The following ATP4A variants were observed in gnomAD, a reference collection of about 807,000 sequenced individuals.
ATP4A encodes the protein potassium-transporting ATPase alpha chain 1.
ATP4A carries 73 observed loss-of-function variants against 112.1 expected under a neutral mutation model. The observed-to-expected ratio is 0.65, with a 90% CI of 0.54 to 0.79. The LOEUF is 0.79. ATP4A is among the 30% of genes least tolerant of loss of function. The pLI, the probability that ATP4A is intolerant of heterozygous loss-of-function variation, is 0.00. For synonymous variants in ATP4A, 588 were observed against 588.9 expected, an observed-to-expected ratio of 1.00 and a Z score of 0.02; for missense variants, 1,081 against 1,425.9, an observed-to-expected ratio of 0.76 and a Z score of 3.90.
chr19:35,558,885 C>T lies in ATP4A; in HGVS notation c.1255+108G>A, dbSNP rs1175781766. ...GCGAGTCTCCTTTGAGACCTGGAGCCGAGCCGCCCCGCCTTCGTACAAAGC... is the reference window on the plus strand; with the variant it reads ...GCGAGTCTCCTTTGAGACCTGGAGCTGAGCCGCCCCGCCTTCGTACAAAGC... On this transcript the variant is annotated intron_variant, in intron 8 of 21. Coordinates refer to ENST00000262623, the MANE Select transcript of ATP4A (RefSeq NM_000704.3). This position sits in a 1 kb window ranked among gnomAD's most constrained non-coding sequence, Gnocchi z 5.1. 33 of 1,421,894 alleles carry T rather than the reference C, an allele frequency of 2.3e-5. No homozygotes were observed. Among genetic ancestry groups the T allele is most frequent in the Non-Finnish European group, 3.1e-5 (32 of 1,033,826 alleles). The allele number at this position is 1,421,894 out of a possible 1,614,324, so 88.1% of individuals were successfully genotyped here. A position where few individuals can be genotyped will look rare whatever the true frequency, so the allele number is the denominator to read the frequency against.
Position 35,555,704 on chromosome 19 carries a change from G to A in ATP4A, c.1978C>T (p.Arg660Cys), listed in dbSNP as rs757758386. 1.6e-5 allele frequency: 25 copies of A among 1,609,234 alleles called. No homozygotes were observed. Among genetic ancestry groups the A allele is most frequent in the Middle Eastern group, 3.3e-4 (2 of 6,072 alleles). Reference protein sequence around the residue: ...ETVEDIAARLRVPVDQVNRKD... With the variant: ...ETVEDIAARLCVPVDQVNRKD... ...CGATTAACCTGGTCTACGGGCACAC[G>A]GAGGCGGGCAGCGATGTCCTCCACT... Residue 660 changes from arginine to cysteine, a missense_variant, in exon 13 of 22, where the codon CGT (arginine) becomes TGT (cysteine). Arg to Cys is a radical substitution (Grantham distance 180). Around this residue, in one of 3 missense-constraint regions of ATP4A, gnomAD observed 850 missense variants for 1,068.2 expected, o/e 0.80. Coordinates refer to ENST00000262623, the MANE Select transcript of ATP4A (RefSeq NM_000704.3). The surrounding 1 kb of genome is among the most constrained non-coding windows in gnomAD (Gnocchi z 6.6).
rs778187193 is a variant in ATP4A at position 35,553,096 on chromosome 19, G to A, written c.2692C>T (p.Arg898Trp). The change falls in exon 18 of 22, where the codon CGG becomes TGG. Residue 898 changes from arginine (R) to tryptophan (W), a missense_variant. Coordinates refer to ENST00000262623, the MANE Select transcript of ATP4A (RefSeq NM_000704.3). ...GWFPLLCVGL[R>W]AQWEDHHLQD... Reference sequence around the variant, plus strand: ...AGGTGGTGGTCCTCCCACTGCGCCCGCAGCCCCACGCACAGCAGTGGGAAC... The same window carrying A: ...AGGTGGTGGTCCTCCCACTGCGCCCACAGCCCCACGCACAGCAGTGGGAAC... 32 of 1,611,186 alleles carry A rather than the reference G, an allele frequency of 2.0e-5. No individual in the cohort carries two copies. Among genetic ancestry groups the A allele is most frequent in the Non-Finnish European group, 2.3e-5 (27 of 1,177,806 alleles).
Position 35,560,123 on chromosome 19 carries a change from G to A in ATP4A, c.788-50C>T. On this transcript the variant is annotated intron_variant, in intron 6 of 21. Coordinates refer to ENST00000262623, the MANE Select transcript of ATP4A (RefSeq NM_000704.3). This position sits in a 1 kb window ranked among gnomAD's most constrained non-coding sequence, Gnocchi z 5.1. ...CAGGGATAGGGGGCGGCAGTGGGGT[G>A]TGCACTGCCGTGTGAGCTGAAGGAC... 6.3e-7 allele frequency: 1 copy of A among 1,599,132 alleles called. No individual in the cohort carries two copies. The highest frequency in any genetic ancestry group is 1.7e-4 in the Middle Eastern group (1 of 6,016).
chr19:35,553,645 C>T, intron 17 of ATP4A, 61 bp downstream of exon 17: 2 of 1,585,768 alleles, frequency 1.3e-6, no homozygotes, highest in Non-Finnish European at 1.7e-6. Context: ...GGGCCTGGGG[C>T]AGGCGAGCAG....
In ATP4A at chr19:35,553,769, G is replaced by A. The variant is rs375916089; in HGVS notation, c.2542C>T (p.Arg848Cys). The A allele has an allele frequency of 3.4e-5, 55 of 1,610,328 alleles. No homozygotes were observed. The highest frequency in any genetic ancestry group is 3.9e-5 in the Non-Finnish European group (46 of 1,178,532). Residue 848 changes from arginine to cysteine, a missense_variant, in exon 17 of 22, where the codon CGC becomes TGC. Arg to Cys is a radical substitution (Grantham distance 180, BLOSUM62 -3). This residue lies in a region of ATP4A where 219 missense variants were observed against 320.9 expected (regional missense o/e 0.68). Coordinates refer to ENST00000262623, the MANE Select transcript of ATP4A (RefSeq NM_000704.3). The stretch of plus-strand genomic sequence containing the variant: ...ACCAATCTGTCACGCTTTGGGTTGC[G>A]TGGACGCAGGTGCATGATGTCACTC... ...AESDIMHLRP[R>C]NPKRDRLVNE...
Position 35,558,844 on chromosome 19 carries a change from C to T in ATP4A, c.1255+149G>A. On this transcript the variant is annotated intron_variant, in intron 8 of 21. Transcript: ENST00000262623. The surrounding 1 kb of genome is among the most constrained non-coding windows in gnomAD (Gnocchi z 5.1). ...GGGACCCAGCCCCCGGATGACCCTT[C>T]CCTCTAGACCCGGTAGCGAGTCTCC... 8.0e-7 allele frequency: 1 copy of T among 1,255,330 alleles called. No homozygotes were observed. 77.8% of individuals were successfully genotyped at this position (1,255,330 alleles called of 1,614,324 possible).
Position 35,558,273 on chromosome 19 carries a change from A to C in ATP4A, c.1500+89T>G. On this transcript the variant is annotated intron_variant, in intron 10 of 21. Coordinates refer to ENST00000262623, the MANE Select transcript of ATP4A (RefSeq NM_000704.3). The surrounding 1 kb of genome is among the most constrained non-coding windows in gnomAD (Gnocchi z 5.1). ...CTGCGGAGAGAAGGGGCAAGGAGCG[A>C]AGCCCCTCGTGGCCCGCTGATGTGG... 1.4e-6 allele frequency: 2 copies of C among 1,468,446 alleles called. No individual in the cohort carries two copies. Among genetic ancestry groups the C allele is most frequent in the Non-Finnish European group, 9.1e-7 (1 of 1,095,212 alleles). The allele number at this position is 1,468,446 out of a possible 1,614,324, so 91.0% of individuals were successfully genotyped here. A position where few individuals can be genotyped will look rare whatever the true frequency, so the allele number is the denominator to read the frequency against.
At chr19:35,562,759 C>A in intron 3 of ATP4A, 121 bp from the exon 4 acceptor site, 1 of 999,898 alleles carries the variant, frequency 1.0e-6, no homozygotes, top group Non-Finnish European at 1.4e-6. Flanking sequence ...CTTCTCATCT[C>A]TTTGTCTCTT....
At position 35,560,346 on chromosome 19, in the gene ATP4A, G is replaced by GC. The variant is rs750149947; in HGVS notation, c.787+16dup. On this transcript the variant is annotated intron_variant, in intron 6 of 21. Transcript: ENST00000262623. This position sits in a 1 kb window ranked among gnomAD's most constrained non-coding sequence, Gnocchi z 5.1. ...GAGGCAGCAGTTACTGGGCAGGCAG[G>GC]CGGGGGCTTCACAGACCCTCAAGGC... The GC allele has an allele frequency of 5.0e-5, 80 of 1,611,706 alleles. No individual in the cohort carries two copies. The South Asian group carries it at 8.8e-4, about 18-fold the overall frequency.
At position 35,559,829 on chromosome 19, in the gene ATP4A, A is replaced by G; in HGVS notation, c.1032T>C (p.Pro344=). 4 of 1,614,160 alleles carry G rather than the reference A, an allele frequency of 2.5e-6. No homozygotes were observed. Among genetic ancestry groups the G allele is most frequent in the Non-Finnish European group, 3.4e-6 (4 of 1,180,000 alleles). Residue 344 remains proline (P), a synonymous_variant, in exon 7 of 22, where the codon CCT becomes CCC. Coordinates refer to ENST00000262623, the MANE Select transcript of ATP4A (RefSeq NM_000704.3). This position sits in a 1 kb window ranked among gnomAD's most constrained non-coding sequence, Gnocchi z 4.1. ...CTGTGACAGTGGCCAGCAGCCCCTC[A>G]GGCACATAGGCCACCACGATGGCCA... ...FFMAIVVAYV[P]EGLLATVTVC... is the part of the protein sequence containing the mutation.
Position 35,560,554 on chromosome 19 carries a change from C to T in ATP4A, c.596G>A (p.Gly199Asp). 6.2e-7 allele frequency: 1 copy of T among 1,613,554 alleles called. No homozygotes were observed. The change falls in exon 6 of 22, where the codon GGC becomes GAC. Residue 199 changes from glycine to aspartate, a missense_variant. Physicochemically the swap from Gly to Asp is moderately conservative, Grantham distance 94. This residue lies in a region of ATP4A where 850 missense variants were observed against 1,068.2 expected (regional missense o/e 0.80). Transcript: ENST00000262623. This position sits in a 1 kb window ranked among gnomAD's most constrained non-coding sequence, Gnocchi z 5.1. Reference protein sequence around the residue: ...FQINADQLVVGDLVEMKGGDR... With the variant: ...FQINADQLVVDDLVEMKGGDR... ...CCCACCTTTCATCTCCACCAGGTCG[C>T]CCACCACCAGTTGGTCAGCGTTGAT...
At chr19:35,561,570 T>G in intron 4 of ATP4A, among the ~76,000 whole-genome samples, 1 of 152,062 alleles carries the variant, frequency 6.6e-6, no homozygotes, top group East Asian at 1.9e-4. Flanking sequence ...CCCATGGCCA[T>G]GACTTTTCGA....
rs1330858418 is a variant in ATP4A at position 35,560,273 on chromosome 19, G to A, written c.787+90C>T. 6.4e-6 allele frequency: 10 copies of A among 1,573,812 alleles called. No individual in the cohort carries two copies. Among genetic ancestry groups the A allele is most frequent in the South Asian group, 1.2e-5 (1 of 85,152 alleles). ...TGGCAGTCATGCAGGAGAGAGACAG[G>A]GAGGCTGAAGCCCCCTGTCCTAGAA... is the stretch of plus-strand genomic sequence containing the variant. On this transcript the variant is annotated intron_variant, in intron 6 of 21. Transcript: ENST00000262623. This position sits in a 1 kb window ranked among gnomAD's most constrained non-coding sequence, Gnocchi z 5.1.
At position 35,560,468 on chromosome 19, in the gene ATP4A, A is replaced by T. The variant is rs1416543985; in HGVS notation, c.682T>A (p.Ser228Thr). ...TGTGGCTCAGACTCCCCTGTCAGCG[A>T]GGAGTTGTCCACCTTGCAGCCCTGG... is the stretch of plus-strand genomic sequence containing the variant. ...AAQGCKVDNS[S>T]LTGESEPQTR... The change falls in exon 6 of 22, where the codon TCG becomes ACG. Residue 228 changes from serine to threonine, a missense_variant. By Grantham distance (58) the Ser-to-Thr change is moderately conservative. Around this residue, in one of 3 missense-constraint regions of ATP4A, gnomAD observed 850 missense variants for 1,068.2 expected, o/e 0.80. Transcript: ENST00000262623. This position sits in a 1 kb window ranked among gnomAD's most constrained non-coding sequence, Gnocchi z 5.1. 29 of 1,613,534 alleles carry T rather than the reference A, an allele frequency of 1.8e-5. No individual in the cohort carries two copies. The highest frequency in any genetic ancestry group is 2.5e-5 in the Non-Finnish European group (29 of 1,180,002).
At position 35,558,371 on chromosome 19, in the gene ATP4A, G is replaced by C. The variant is rs367948882; in HGVS notation, c.1491C>G (p.Asn497Lys). The change falls in exon 10 of 22, where the codon AAC becomes AAG. Residue 497 changes from asparagine (N) to lysine (K), a missense_variant. By Grantham distance (94) the Asn-to-Lys change is moderately conservative. This residue lies in a region of ATP4A where 850 missense variants were observed against 1,068.2 expected (regional missense o/e 0.80). Coordinates refer to ENST00000262623, the MANE Select transcript of ATP4A (RefSeq NM_000704.3). This position sits in a 1 kb window ranked among gnomAD's most constrained non-coding sequence, Gnocchi z 5.1. ...KVCEIPFNST[N>K]KFQLSIHTLE... The stretch of plus-strand genomic sequence containing the variant: ...GGGGCCGGCTGCGCACCTGGAACTT[G>C]TTGGTGGAGTTGAAGGGTATCTCGC... The C allele has an allele frequency of 1.9e-6, 3 of 1,610,724 alleles. No homozygotes were observed. The highest frequency in any genetic ancestry group is 2.7e-5 in the African/African-American group (2 of 74,922).
rs778493830 is a variant in ATP4A, at chr19:35,557,866, G to A, written c.1501-19C>T. The A allele has an allele frequency of 1.5e-4, 220 of 1,452,594 alleles. 1 individual carries two copies. Among genetic ancestry groups the A allele is most frequent in the Middle Eastern group, 1.3e-3 (5 of 3,992 alleles). The allele number at this position is 1,452,594 out of a possible 1,614,324, so 90.0% of individuals were successfully genotyped here. A position where few individuals can be genotyped will look rare whatever the true frequency, so the allele number is the denominator to read the frequency against. On this transcript the variant is annotated intron_variant, in intron 10 of 21. Coordinates refer to ENST00000262623, the MANE Select transcript of ATP4A (RefSeq NM_000704.3). The surrounding 1 kb of genome is among the most constrained non-coding windows in gnomAD (Gnocchi z 4.4). ...TGGACAGCTGTGGGCGGGGGGGAGA[G>A]GCGAGGCTGTGGACGGGGGAACGGG...
In ATP4A at chr19:35,555,134, A is replaced by C. The variant is rs1448088361; in HGVS notation, c.2326+32T>G. The C allele has an allele frequency of 3.7e-6, 6 of 1,613,782 alleles. No homozygotes were observed. The highest frequency in any genetic ancestry group is 5.1e-6 in the Non-Finnish European group (6 of 1,179,944). ...ACAGCCCTCTCCCTCCTGTGCCCAC[A>C]CTGCCTGCCCTCCCCCTGGCGTGGC... On this transcript the variant is annotated intron_variant, in intron 15 of 21. Transcript: ENST00000262623. This position sits in a 1 kb window ranked among gnomAD's most constrained non-coding sequence, Gnocchi z 6.6.
In ATP4A at chr19:35,550,229, C is replaced by A. The variant is rs1009188970; in HGVS notation, c.*386G>T. The A allele has an allele frequency of 3.7e-6, 1 of 271,310 alleles. No individual in the cohort carries two copies. The highest frequency in any genetic ancestry group is 4.7e-5 in the South Asian group (1 of 21,468). 16.8% of individuals were successfully genotyped at this position (271,310 alleles called of 1,614,324 possible). A position where few individuals can be genotyped will look rare whatever the true frequency, so the allele number is the denominator to read the frequency against. ...CAGCATGAGCTGGTTTTATTACCAT[C>A]GCCCAGGACACAAGCGTGTCTTTAA... On this transcript the variant is annotated 3_prime_UTR_variant, in exon 22 of 22. Transcript: ENST00000262623. This position sits in a 1 kb window ranked among gnomAD's most constrained non-coding sequence, Gnocchi z 4.1.
intron 17 of ATP4A, among the ~76,000 whole-genome samples, 183 bp from the exon 18 acceptor site, chr19:35,553,365 CAG>C (rs2071612551): frequency 6.6e-6 from 1 of 152,026 alleles, no homozygotes; most frequent in South Asian, 2.1e-4. Context: ...GCCAGGGACA[CAG>C]AAACAGTGAC....
Sources: allele counts gnomAD v4.1 joint callset (sites outside exome capture counted in the v4.1 genomes callset), GRCh38; gene constraint gnomAD v4.1.1; regional missense constraint gnomAD v4.1.1; non-coding constraint Gnocchi (gnomAD v3.1); transcripts MANE v1.5; gene names NCBI Gene and HGNC (gene_info 2026-07-23, HGNC 2026-07-21).